The following CNTNAP2 variants were observed in gnomAD, a reference collection of about 807,000 sequenced individuals.
CNTNAP2 encodes the protein contactin-associated protein-like 2.
A neutral mutation model predicts 155.2 loss-of-function variants in CNTNAP2; 98 were observed. The observed-to-expected ratio is 0.63, with a 90% CI of 0.54 to 0.75. The LOEUF (loss-of-function observed/expected upper bound fraction) is 0.75. Ranked by LOEUF, CNTNAP2 falls within the 30% of genes least tolerant of loss-of-function variation. The pLI is 0.00. For missense variants in CNTNAP2, 1,727 were observed against 1,688.1 expected (o/e 1.02, Z -0.40); for synonymous variants, 651 against 631.2 (o/e 1.03, Z -0.47).
intron 1 of CNTNAP2, among the ~76,000 whole-genome samples, chr7:146,342,695 A>C (rs1243556190): frequency 6.6e-6 from 1 of 152,154 alleles, no homozygotes; most frequent in Non-Finnish European, 1.5e-5. Flanking sequence ...GGATTTGAGT[A>C]ATGCTGTGCT....
intron 1 of CNTNAP2, among the ~76,000 whole-genome samples, chr7:146,585,605 ATTTT>A (rs1448291719): frequency 7.2e-5 from 11 of 152,154 alleles, no homozygotes; most frequent in Admixed American, 7.2e-4. Context: ...GTGTCAAGTT[ATTTT>A]AAGAATTCAG....
chr7:147,873,590 G>A (rs1799372220), intron 13 of CNTNAP2, among the ~76,000 whole-genome samples: 1 of 152,098 alleles, frequency 6.6e-6, no homozygotes, highest in African/African-American at 2.4e-5. Flanking sequence ...CAACACATGG[G>A]GATTATGGGA....
At chr7:146,607,406 C>T (rs1428359041) in intron 1 of CNTNAP2, among the ~76,000 whole-genome samples, 1 of 152,068 alleles carries the variant, frequency 6.6e-6, no homozygotes, top group Admixed American at 6.6e-5. Context: ...GGCATTTAGG[C>T]TGCCATAACC....
At chr7:147,652,046 C>A (rs568593769) in intron 13 of CNTNAP2, among the ~76,000 whole-genome samples, 1 of 152,294 alleles carries the variant, frequency 6.6e-6, no homozygotes, top group Admixed American at 6.5e-5. Flanking sequence ...GAAACTCATC[C>A]TTACAGAAGC....
intron 1 of CNTNAP2, among the ~76,000 whole-genome samples, chr7:146,591,754 G>GTC (rs142814546): frequency 0.034 from 5,150 of 152,186 alleles, 291 homozygotes; most frequent in African/African-American, 0.12. Flanking sequence ...TGTGGGTGAT[G>GTC]TCCACTACTC....
chr7:146,550,414 T>TTTTTTTG (rs1554447427), intron 1 of CNTNAP2, among the ~76,000 whole-genome samples: 72 of 124,828 alleles, frequency 5.8e-4, no homozygotes, highest in Non-Finnish European at 8.7e-4. Context: ...TTTTTTTTTT[T>TTTTTTTG]TTTTTTTTTT....
At chr7:146,911,693 T>G (rs981859165) in intron 3 of CNTNAP2, among the ~76,000 whole-genome samples, 1 of 149,094 alleles carries the variant, frequency 6.7e-6, no homozygotes, top group African/African-American at 2.5e-5. Flanking sequence ...CATTTGGAGG[T>G]ATACCTAAGG....
chr7:147,890,417 A>T (rs1799670544), intron 13 of CNTNAP2, among the ~76,000 whole-genome samples: 1 of 152,218 alleles, frequency 6.6e-6, no homozygotes, highest in Non-Finnish European at 1.5e-5. Context: ...GACGACCATT[A>T]TGAGAAACAG....
At chr7:147,046,750 C>T (rs1352331342) in intron 4 of CNTNAP2, among the ~76,000 whole-genome samples, 1 of 152,074 alleles carries the variant, frequency 6.6e-6, no homozygotes. Context: ...AAAGTTTAGG[C>T]CGGGCGCGGT....
At chr7:148,233,602 G>A (rs887950195) in intron 20 of CNTNAP2, among the ~76,000 whole-genome samples, 1 of 152,124 alleles carries the variant, frequency 6.6e-6, no homozygotes. Context: ...AATGCCCATA[G>A]CATACTCCAC....
At chr7:147,654,319 A>T (rs1257124233) in intron 13 of CNTNAP2, among the ~76,000 whole-genome samples, 1 of 152,234 alleles carries the variant, frequency 6.6e-6, no homozygotes, top group Admixed American at 6.5e-5. Flanking sequence ...TTGTTTAAAT[A>T]TAGGTGTTAG....
intron 10 of CNTNAP2, among the ~76,000 whole-genome samples, chr7:147,399,393 G>A (rs1796876375): frequency 6.6e-6 from 1 of 152,180 alleles, no homozygotes; most frequent in Admixed American, 6.5e-5. Context: ...GTGTACCCTA[G>A]ACCAGGGTGC....
At chr7:148,391,335 G>T (rs913446916) in intron 22 of CNTNAP2, among the ~76,000 whole-genome samples, 2 of 146,470 alleles carry the variant, frequency 1.4e-5, no homozygotes, top group African/African-American at 5.4e-5. Context: ...GAAACACTGG[G>T]CAGTAGAGAA....
At chr7:148,096,128 A>G (rs1454633550) in intron 15 of CNTNAP2, among the ~76,000 whole-genome samples, 1 of 152,228 alleles carries the variant, frequency 6.6e-6, no homozygotes, top group Non-Finnish European at 1.5e-5. Context: ...CCAATGTCCA[A>G]CTTCATGGTC....
chr7:147,876,690 A>C (rs182244014), intron 13 of CNTNAP2, among the ~76,000 whole-genome samples: 18 of 152,256 alleles, frequency 1.2e-4, no homozygotes, highest in Admixed American at 9.8e-4. Context: ...CTGTTTGGTC[A>C]ATCTCTGGCT....
rs557926985 is a variant in CNTNAP2, at chr7:147,984,862, C to A, written c.2383+6873C>A. Among the ~76,000 whole-genome samples the A allele has an allele frequency of 2.6e-5, 4 of 152,226 alleles. No homozygotes were observed. The South Asian group carries it at 8.3e-4, about 32-fold the overall frequency. Reference sequence around the variant, plus strand: ...GGGCGCAGTGGTTCATGCCTGTAATCCCAACACTTTGGGAGGCTGAGGCGG... The same window carrying A: ...GGGCGCAGTGGTTCATGCCTGTAATACCAACACTTTGGGAGGCTGAGGCGG... On this transcript the variant is annotated intron_variant, in intron 15 of 23. Transcript: ENST00000361727.
intron 1 of CNTNAP2, among the ~76,000 whole-genome samples, chr7:146,181,724 G>A (rs1387743923): frequency 6.6e-6 from 1 of 152,046 alleles, no homozygotes; most frequent in Non-Finnish European, 1.5e-5. Context: ...TGTAACTCAA[G>A]GTTTTTGACC....
intron 1 of CNTNAP2, among the ~76,000 whole-genome samples, chr7:146,665,507 T>C (rs1292907224): frequency 6.6e-6 from 1 of 151,734 alleles, no homozygotes; most frequent in Non-Finnish European, 1.5e-5. Flanking sequence ...TTCGGCTGGG[T>C]GCAGTGGCTC....
At chr7:148,152,843 AC>A (rs1322819221) in intron 17 of CNTNAP2, among the ~76,000 whole-genome samples, 1 of 151,644 alleles carries the variant, frequency 6.6e-6, no homozygotes, top group African/African-American at 2.4e-5. Flanking sequence ...GCACGGTGAA[AC>A]CCCGTCTCTA....
Sources: allele counts gnomAD v4.1 joint callset (sites outside exome capture counted in the v4.1 genomes callset), GRCh38; gene constraint gnomAD v4.1.1; transcripts MANE v1.5; gene names NCBI Gene and HGNC (gene_info 2026-07-23, HGNC 2026-07-21).